TMEM117: variants seen among roughly 807,000 people sequenced by gnomAD.
The protein encoded by TMEM117 is transmembrane protein 117.
In TMEM117, 27 loss-of-function variants were observed where a neutral mutation model predicts 52.4. That is an observed-to-expected ratio of 0.51 (90% CI 0.38 to 0.71). TMEM117 has a LOEUF of 0.71. Ranked by LOEUF, TMEM117 falls within the 30% of genes least tolerant of loss-of-function variation. The pLI is 0.00. For missense variants in TMEM117, 556 were observed against 630.5 expected (o/e 0.88, Z 1.26); for synonymous variants, 215 against 206.3 (o/e 1.04, Z -0.36).
chr12:43,860,747 A>G (rs1943474848), intron 2 of TMEM117, among the ~76,000 whole-genome samples: 1 of 152,192 alleles, frequency 6.6e-6, no homozygotes, highest in Non-Finnish European at 1.5e-5. Flanking sequence ...AGCCGGTCAT[A>G]GGTTTTATAA....
intron 3 of TMEM117, 142 bp from the exon 4 acceptor site, chr12:44,143,383 G>A: frequency 1.9e-6 from 1 of 520,306 alleles, no homozygotes; most frequent in South Asian, 3.5e-5. Flanking sequence ...TAGACTTCCA[G>A]ATTTGTAAGC....
At chr12:43,945,109 CT>C (rs1286249734) in intron 3 of TMEM117, among the ~76,000 whole-genome samples, 1 of 141,648 alleles carries the variant, frequency 7.1e-6, no homozygotes, top group African/African-American at 2.6e-5. Context: ...GACTCCGTCT[CT>C]AAATAAATAA....
intron 3 of TMEM117, among the ~76,000 whole-genome samples, chr12:44,077,903 A>G (rs959798828): frequency 4.6e-5 from 7 of 152,144 alleles, no homozygotes; most frequent in Admixed American, 3.9e-4. Flanking sequence ...TCTCAAAGAC[A>G]TAACTTTAGA....
At chr12:44,143,712 A>G in intron 4 of TMEM117, 88 bp downstream of exon 4, 1 of 893,562 alleles carries the variant, frequency 1.1e-6, no homozygotes, top group South Asian at 1.7e-5. Context: ...GATGATGTAG[A>G]GTAAAATAAT....
At chr12:44,128,479 AG>A (rs1948363086) in intron 3 of TMEM117, among the ~76,000 whole-genome samples, 1 of 152,238 alleles carries the variant, frequency 6.6e-6, no homozygotes, top group African/African-American at 2.4e-5. Flanking sequence ...CACCTAGCAC[AG>A]TTCCTGGCAT....
chr12:43,846,491 T>G (rs375779612), intron 2 of TMEM117, among the ~76,000 whole-genome samples: 2 of 152,232 alleles, frequency 1.3e-5, no homozygotes, highest in Non-Finnish European at 2.9e-5. Flanking sequence ...TTCCCACCTC[T>G]GAACTAACCG....
At chr12:43,892,079 C>T (rs1944116370) in intron 2 of TMEM117, among the ~76,000 whole-genome samples, 1 of 152,052 alleles carries the variant, frequency 6.6e-6, no homozygotes, top group Non-Finnish European at 1.5e-5. Flanking sequence ...TCAAGACTAC[C>T]CCTAGTTTTA....
intron 6 of TMEM117, among the ~76,000 whole-genome samples, chr12:44,368,767 T>G (rs1951824364): frequency 6.6e-6 from 1 of 152,198 alleles, no homozygotes; most frequent in East Asian, 1.9e-4. Flanking sequence ...GCTATTGAAC[T>G]GTAGCCAGAG....
the TMEM117 span, among the ~76,000 whole-genome samples, chr12:43,815,606 A>G: frequency 6.6e-6 from 1 of 152,234 alleles, no homozygotes; most frequent in Non-Finnish European, 1.5e-5. Flanking sequence ...GTTTGGAGTC[A>G]AGGTGTCAGG....
At chr12:44,219,525 A>G (rs138737452) in intron 5 of TMEM117, among the ~76,000 whole-genome samples, 88 of 152,298 alleles carry the variant, frequency 5.8e-4, no homozygotes, top group Non-Finnish European at 9.4e-4. Flanking sequence ...AACATGATGT[A>G]TTACCAGAAA....
chr12:43,897,290 A>G (rs1332700996), intron 2 of TMEM117, among the ~76,000 whole-genome samples: 2 of 145,202 alleles, frequency 1.4e-5, no homozygotes, highest in African/African-American at 5.1e-5. Context: ...AGTTCCATCT[A>G]TACTTTCCTT....
chr12:44,264,187 C>CTATT lies in TMEM117; in HGVS notation c.609-35391_609-35388dup, dbSNP rs202168549. On this transcript the variant is annotated intron_variant, in intron 5 of 7. Transcript: ENST00000266534. The stretch of plus-strand genomic sequence containing the variant: ...TTTTCTGACAAGTTTGTTTTTCTGT[C>CTATT]TATTTGATCATTGTTTTTCATCTTT... 2.4e-3 allele frequency among the ~76,000 whole-genome samples: 368 copies of CTATT among 152,218 alleles called. 12 individuals carry two copies. The East Asian group carries it at 0.035, about 15-fold the overall frequency.
At chr12:44,335,756 T>C (rs1340240387) in intron 6 of TMEM117, among the ~76,000 whole-genome samples, 1 of 152,020 alleles carries the variant, frequency 6.6e-6, no homozygotes, top group African/African-American at 2.4e-5. Flanking sequence ...CACAACAGCA[T>C]TGAAGAGAAT....
chr12:44,200,373 A>G (rs1371838454), intron 4 of TMEM117, among the ~76,000 whole-genome samples: 2 of 152,198 alleles, frequency 1.3e-5, no homozygotes, highest in Non-Finnish European at 2.9e-5. Context: ...TTTATTTTGA[A>G]CAAAGTTGTA....
chr12:44,354,229 C>T (rs921893698), intron 6 of TMEM117, among the ~76,000 whole-genome samples: 9 of 152,104 alleles, frequency 5.9e-5, no homozygotes, highest in Non-Finnish European at 1.3e-4. Context: ...ACAATCATGT[C>T]ATCTGCAAAC....
intron 6 of TMEM117, among the ~76,000 whole-genome samples, chr12:44,324,624 A>G (rs1565716106): frequency 6.6e-6 from 1 of 152,184 alleles, no homozygotes; most frequent in Non-Finnish European, 1.5e-5. Context: ...ATACAACCTT[A>G]TGGATAAATC....
At chr12:44,279,702 CG>C (rs1452905500) in intron 5 of TMEM117, among the ~76,000 whole-genome samples, 12 of 152,104 alleles carry the variant, frequency 7.9e-5, no homozygotes, top group African/African-American at 2.7e-4. Context: ...TTAGTAGAAA[CG>C]GGGTTTCACT....
At chr12:43,924,211 A>G (rs1461907575) in intron 2 of TMEM117, among the ~76,000 whole-genome samples, 1 of 152,164 alleles carries the variant, frequency 6.6e-6, no homozygotes. Context: ...TATAACTGAG[A>G]CAAGTTACAA....
intron 3 of TMEM117, 124 bp downstream of exon 3, chr12:43,944,466 A>G (rs1945097197): frequency 2.2e-6 from 2 of 911,832 alleles, no homozygotes; most frequent in Non-Finnish European, 1.6e-6. Context: ...AAGAAGAAGG[A>G]GTATTTTATG....
Sources: allele counts gnomAD v4.1 joint callset (sites outside exome capture counted in the v4.1 genomes callset), GRCh38; gene constraint gnomAD v4.1.1; transcripts MANE v1.5; gene names NCBI Gene and HGNC (gene_info 2026-07-23, HGNC 2026-07-21).